The following SEMA3A variants were observed in gnomAD, a reference collection of about 807,000 sequenced individuals.
SEMA3A encodes the protein semaphorin 3A, also known as semaphorin-3A.
Under a neutral mutation model 97.9 loss-of-function variants are expected in SEMA3A, and 29 were observed. That is an observed-to-expected ratio of 0.30 (90% CI 0.22 to 0.40). SEMA3A has a LOEUF of 0.40. Ranked by LOEUF, SEMA3A falls within the 10% of genes least tolerant of loss-of-function variation. SEMA3A has a pLI of 1.00. For missense variants in SEMA3A, 763 were observed against 951.3 expected (o/e 0.80, Z 2.60); for synonymous variants, 321 against 323.7 (o/e 0.99, Z 0.09).
chr7:84,443,037 C>T (rs1300660054), intron 1 of SEMA3A, among the ~76,000 whole-genome samples: 3 of 152,074 alleles, frequency 2.0e-5, no homozygotes, highest in Non-Finnish European at 4.4e-5. Context: ...GACTTCAATA[C>T]ACCCCTACCA....
intron 3 of SEMA3A, among the ~76,000 whole-genome samples, chr7:84,287,590 T>G (rs1800622762): frequency 6.6e-6 from 1 of 152,052 alleles, no homozygotes; most frequent in African/African-American, 2.4e-5. Flanking sequence ...TTTGTTTAAT[T>G]TTTTTTCCCT....
intron 1 of SEMA3A, among the ~76,000 whole-genome samples, chr7:84,460,637 C>T (rs1312654209): frequency 3.3e-5 from 5 of 152,152 alleles, no homozygotes; most frequent in Non-Finnish European, 7.3e-5. Context: ...TTGTCCATAA[C>T]CTGGAAACCA....
intron 1 of SEMA3A, among the ~76,000 whole-genome samples, chr7:84,138,091 T>A (rs773681527): frequency 8.2e-4 from 125 of 152,280 alleles, no homozygotes; most frequent in Non-Finnish European, 1.4e-3. Flanking sequence ...AACAAGCATT[T>A]CCTAGTAAGC....
At position 84,271,836 on chromosome 7, in the gene SEMA3A, G is replaced by A. The variant is rs112581486; in HGVS notation, c.-83+35371C>T. ...AAGTCATCCTCAGAAATTCCAGAAAGCACAGTATCAACCATGTAAATATAA... is the reference window on the plus strand; with the variant it reads ...AAGTCATCCTCAGAAATTCCAGAAAACACAGTATCAACCATGTAAATATAA... On this transcript the variant is annotated intron_variant, in intron 3 of 3. Transcript: ENST00000424555. 3.3e-5 allele frequency among the ~76,000 whole-genome samples: 5 copies of A among 152,198 alleles called. 1 individual carries two copies. The highest frequency in any genetic ancestry group is 1.2e-4 in the African/African-American group (5 of 41,558).
At chr7:84,287,651 T>A (rs1315782859) in intron 3 of SEMA3A, among the ~76,000 whole-genome samples, 1 of 152,188 alleles carries the variant, frequency 6.6e-6, no homozygotes, top group Non-Finnish European at 1.5e-5. Flanking sequence ...TTTTCAGATT[T>A]ATGATTATGT....
At chr7:84,254,712 T>C (rs1799678217) in intron 3 of SEMA3A, among the ~76,000 whole-genome samples, 2 of 152,180 alleles carry the variant, frequency 1.3e-5, no homozygotes, top group African/African-American at 4.8e-5. Flanking sequence ...GGACTTTCTG[T>C]GTAATCACCA....
At chr7:84,134,237 G>A (rs1156846285) in intron 2 of SEMA3A, among the ~76,000 whole-genome samples, 1 of 152,188 alleles carries the variant, frequency 6.6e-6, no homozygotes, top group African/African-American at 2.4e-5. Flanking sequence ...TAAAAGGCCA[G>A]ATAGTAAATC....
intron 1 of SEMA3A, among the ~76,000 whole-genome samples, chr7:84,172,180 T>C (rs1464017809): frequency 6.6e-6 from 1 of 152,208 alleles, no homozygotes; most frequent in East Asian, 1.9e-4. Flanking sequence ...TTTTCAAGTG[T>C]CATTTAGTTA....
At chr7:84,419,415 G>T (rs1804526080) in intron 1 of SEMA3A, among the ~76,000 whole-genome samples, 1 of 149,276 alleles carries the variant, frequency 6.7e-6, no homozygotes, top group Non-Finnish European at 1.5e-5. Flanking sequence ...AGGCTAACTG[G>T]CTTGCCCAAA....
At chr7:84,301,460 T>C (rs1190167664) in intron 3 of SEMA3A, among the ~76,000 whole-genome samples, 1 of 151,908 alleles carries the variant, frequency 6.6e-6, no homozygotes, top group African/African-American at 2.4e-5. Flanking sequence ...AGAAGACATG[T>C]AGATGGTAAA....
At chr7:84,150,727 T>C (rs976624764) in intron 1 of SEMA3A, among the ~76,000 whole-genome samples, 1 of 152,026 alleles carries the variant, frequency 6.6e-6, no homozygotes, top group Admixed American at 6.5e-5. Flanking sequence ...TGGAACTGGG[T>C]GGAGCCCACC....
intron 4 of SEMA3A, among the ~76,000 whole-genome samples, chr7:84,108,840 G>C (rs1454515960): frequency 6.7e-6 from 1 of 149,948 alleles, no homozygotes; most frequent in African/African-American, 2.4e-5. Context: ...GGGAGGCAGA[G>C]GTTGCAGTGA....
intron 2 of SEMA3A, among the ~76,000 whole-genome samples, chr7:84,348,534 G>A (rs140745669): frequency 3.4e-4 from 51 of 152,232 alleles, no homozygotes; most frequent in African/African-American, 1.2e-3. Flanking sequence ...ACAGTGTTGG[G>A]TAAAAGCCAG....
In SEMA3A at chr7:84,136,149, C is replaced by T. The variant is rs539431229; in HGVS notation, c.113-1198G>A. ...TCCTGAATCAGTGCTTTAGATTTTT[C>T]GGGTGCACACTTAGTAGGAAATTTT... On this transcript the variant is annotated intron_variant, in intron 1 of 16. Transcript: ENST00000265362. Among the ~76,000 whole-genome samples, 297 of 152,148 alleles carry T rather than the reference C, an allele frequency of 2.0e-3. 1 individual carries two copies. Among genetic ancestry groups the T allele is most frequent in the African/African-American group, 6.7e-3 (276 of 41,500 alleles).
intron 12 of SEMA3A, among the ~76,000 whole-genome samples, chr7:83,995,387 C>T (rs909174574): frequency 1.3e-5 from 2 of 152,054 alleles, no homozygotes; most frequent in African/African-American, 4.8e-5. Flanking sequence ...ATAAAAGAAA[C>T]CCTAGTACAT....
intron 1 of SEMA3A, among the ~76,000 whole-genome samples, chr7:84,399,131 A>G (rs1054553075): frequency 3.9e-5 from 6 of 152,094 alleles, no homozygotes; most frequent in African/African-American, 1.4e-4. Flanking sequence ...GGGGAGGAAA[A>G]GCACGGTGAG....
chr7:84,197,030 T>C (rs1798248022), upstream of SEMA3A, among the ~76,000 whole-genome samples: 1 of 152,110 alleles, frequency 6.6e-6, no homozygotes. Context: ...TAAGTAAATT[T>C]AGATAAAAGA....
At chr7:84,447,472 G>T in intron 1 of SEMA3A, among the ~76,000 whole-genome samples, 1 of 152,076 alleles carries the variant, frequency 6.6e-6, no homozygotes, top group East Asian at 1.9e-4. Context: ...GCCGCCCATG[G>T]ACCAATCAAC....
chr7:84,289,852 A>G (rs1174943152), intron 3 of SEMA3A, among the ~76,000 whole-genome samples: 1 of 152,140 alleles, frequency 6.6e-6, no homozygotes, highest in Admixed American at 6.6e-5. Flanking sequence ...AATAACCAAA[A>G]AGTAGAAAAA....
Sources: gnomAD v4.1 joint callset for allele counts (sites outside exome capture counted in the v4.1 genomes callset) on GRCh38, gnomAD v4.1.1 for gene constraint, MANE v1.5 for transcripts, NCBI Gene and HGNC (gene_info 2026-07-23, HGNC 2026-07-21) for gene names.